The following RUSC2 variants were observed in gnomAD, a reference collection of about 807,000 sequenced individuals.
RUSC2 encodes RUN and SH3 domain containing 2.
A neutral mutation model predicts 122.2 loss-of-function variants in RUSC2; 34 were observed. The ratio of observed to expected loss-of-function variants is 0.28; its 90% confidence interval spans 0.21 to 0.37. The LOEUF (loss-of-function observed/expected upper bound fraction) is 0.37. RUSC2 is among the 10% of genes least tolerant of loss of function. The pLI is 1.00. For missense variants in RUSC2, 1,747 were observed against 1,952.4 expected (o/e 0.89, Z 1.98); for synonymous variants, 784 against 790.0 (o/e 0.99, Z 0.13).
At chr9:35,499,012 C>T (rs1314463703) in intron 1 of RUSC2, among the ~76,000 whole-genome samples, 3 of 151,946 alleles carry the variant, frequency 2.0e-5, no homozygotes, top group South Asian at 2.1e-4. Context: ...TGAGGCCAGG[C>T]GTGGCGGCTT....
intron 1 of RUSC2, among the ~76,000 whole-genome samples, chr9:35,535,599 C>T (rs903948976): frequency 1.4e-5 from 2 of 142,656 alleles, no homozygotes; most frequent in Non-Finnish European, 3.0e-5. Flanking sequence ...AGTGCAGTGG[C>T]GCCATCTTGG....
intron 9 of RUSC2, 64 bp from the exon 10 acceptor site, chr9:35,559,965 A>C: frequency 7.1e-7 from 1 of 1,403,064 alleles, no homozygotes; most frequent in Non-Finnish European, 9.7e-7. Flanking sequence ...ACTGTCTTTC[A>C]AAGTCCCACT....
At chr9:35,521,409 C>T (rs1423756227) in intron 1 of RUSC2, among the ~76,000 whole-genome samples, 1 of 152,196 alleles carries the variant, frequency 6.6e-6, no homozygotes, top group Non-Finnish European at 1.5e-5. Flanking sequence ...GGTTTATTAT[C>T]ATCAGATTTT....
At chr9:35,508,943 AC>A (rs976153410) in intron 1 of RUSC2, among the ~76,000 whole-genome samples, 1 of 152,214 alleles carries the variant, frequency 6.6e-6, no homozygotes, top group African/African-American at 2.4e-5. Flanking sequence ...AACAAATAGC[AC>A]CAACATAACT....
rs185466163 is a variant in RUSC2, at chr9:35,541,404, C to T, written c.-92-5026C>T. Reference sequence around the variant, plus strand: ...ACTCCCAGGAAAGGAGCCTGAGATACGCTCTCAGTAAATGTTCTCTGTGGT... The same window carrying T: ...ACTCCCAGGAAAGGAGCCTGAGATATGCTCTCAGTAAATGTTCTCTGTGGT... On this transcript the variant is annotated intron_variant, in intron 1 of 11. Coordinates refer to ENST00000361226, the MANE Select transcript of RUSC2 (RefSeq NM_014806.5). 5.3e-5 allele frequency among the ~76,000 whole-genome samples: 8 copies of T among 151,654 alleles called. No homozygotes were observed. In the East Asian group the frequency reaches 1.4e-3, roughly 26 times the overall value.
intron 2 of RUSC2, among the ~76,000 whole-genome samples, chr9:35,554,690 A>C (rs533645205): frequency 6.6e-6 from 1 of 152,210 alleles, no homozygotes; most frequent in African/African-American, 2.4e-5. Context: ...CTGGAGATGA[A>C]GAGGAAGGTC....
chr9:35,511,912 G>T (rs1294204341), intron 1 of RUSC2, among the ~76,000 whole-genome samples: 1 of 152,110 alleles, frequency 6.6e-6, no homozygotes. Flanking sequence ...CGGGCGCGGT[G>T]GCTCACGCCT....
intron 1 of RUSC2, among the ~76,000 whole-genome samples, chr9:35,529,467 T>C (rs1393836206): frequency 6.7e-6 from 1 of 150,346 alleles, no homozygotes; most frequent in East Asian, 1.9e-4. Context: ...TTTCTAGAAA[T>C]CCCCAAAATG....
intron 1 of RUSC2, among the ~76,000 whole-genome samples, chr9:35,534,419 TAC>T (rs55836338): frequency 0.32 from 44,533 of 140,710 alleles, 7,163 homozygotes; most frequent in Admixed American, 0.41. Flanking sequence ...CTACAAATAA[TAC>T]ACACACACAC....
intron 1 of RUSC2, among the ~76,000 whole-genome samples, chr9:35,514,971 C>T (rs1481302411): frequency 6.6e-6 from 1 of 152,138 alleles, no homozygotes; most frequent in Non-Finnish European, 1.5e-5. Context: ...CCCCTACTTG[C>T]AGGGGAGGGA....
At chr9:35,549,704 A>G (rs1821844506) in intron 2 of RUSC2, among the ~76,000 whole-genome samples, 1 of 152,210 alleles carries the variant, frequency 6.6e-6, no homozygotes, top group Non-Finnish European at 1.5e-5. Context: ...CAAAACCACA[A>G]AGGCACAGAA....
At chr9:35,525,870 A>C (rs1221310529) in intron 1 of RUSC2, among the ~76,000 whole-genome samples, 1 of 152,094 alleles carries the variant, frequency 6.6e-6, no homozygotes, top group Non-Finnish European at 1.5e-5. Flanking sequence ...GAATTGCTTG[A>C]GCTCAGGAGT....
At chr9:35,549,591 C>G (rs530591716) in intron 2 of RUSC2, among the ~76,000 whole-genome samples, 1 of 152,184 alleles carries the variant, frequency 6.6e-6, no homozygotes, top group Non-Finnish European at 1.5e-5. Flanking sequence ...CAGGGAGGAA[C>G]TGCTAATGCA....
At chr9:35,516,667 A>G (rs1821114957) in intron 1 of RUSC2, among the ~76,000 whole-genome samples, 1 of 152,152 alleles carries the variant, frequency 6.6e-6, no homozygotes, top group Non-Finnish European at 1.5e-5. Context: ...CTCAGAGGGG[A>G]GTTGCCTCTG....
chr9:35,540,901 C>A (rs1455663534), intron 1 of RUSC2, among the ~76,000 whole-genome samples: 1 of 152,152 alleles, frequency 6.6e-6, no homozygotes, highest in Admixed American at 6.5e-5. Context: ...GGACAAACTA[C>A]TTACACACTC....
intron 1 of RUSC2, among the ~76,000 whole-genome samples, chr9:35,505,698 A>G (rs1490937869): frequency 6.6e-6 from 1 of 152,184 alleles, no homozygotes; most frequent in Non-Finnish European, 1.5e-5. Flanking sequence ...AGTATATTTT[A>G]AATATTTGCC....
intron 1 of RUSC2, among the ~76,000 whole-genome samples, chr9:35,497,538 C>T (rs940163965): frequency 3.3e-5 from 5 of 152,158 alleles, no homozygotes; most frequent in East Asian, 1.9e-4. Context: ...CTCCTGAAGT[C>T]GGCAGCAGAT....
At chr9:35,493,412 C>G (rs1280574878) in intron 1 of RUSC2, among the ~76,000 whole-genome samples, 2 of 152,124 alleles carry the variant, frequency 1.3e-5, no homozygotes. Context: ...GATTCCGTGG[C>G]TTTGCTATTG....
chr9:35,525,296 G>C (rs1821303676), intron 1 of RUSC2, among the ~76,000 whole-genome samples: 1 of 152,192 alleles, frequency 6.6e-6, no homozygotes, highest in South Asian at 2.1e-4. Flanking sequence ...TCAGTTTTCA[G>C]ATTGGCCTCT....
Sources: gnomAD v4.1 joint callset for allele counts (sites outside exome capture counted in the v4.1 genomes callset) on GRCh38, gnomAD v4.1.1 for gene constraint, MANE v1.5 for transcripts, NCBI Gene and HGNC (gene_info 2026-07-23, HGNC 2026-07-21) for gene names.